Variants in TBC1D5 observed in about 807,000 individuals in gnomAD.
The protein encoded by TBC1D5 is TBC1 domain family, member 5.
TBC1D5 carries 75 observed loss-of-function variants against 100.3 expected under a neutral mutation model. That is an observed-to-expected ratio of 0.75 (90% confidence interval 0.62 to 0.91). The LOEUF (loss-of-function observed/expected upper bound fraction) is 0.91, where lower values mean the gene tolerates loss of function less well. Ranked by LOEUF, TBC1D5 falls within the 40% of genes least tolerant of loss-of-function variation. TBC1D5 has a pLI of 0.00. For synonymous variants in TBC1D5, 323 were observed against 325.6 expected (o/e 0.99, Z 0.09); for missense variants, 910 against 942.4 (o/e 0.97, Z 0.45).
chr3:17,474,430 A>C (rs545950139), intron 3 of TBC1D5, among the ~76,000 whole-genome samples: 1 of 152,284 alleles, frequency 6.6e-6, no homozygotes, highest in East Asian at 1.9e-4. Context: ...TAAAAATTGA[A>C]CATTATGTGA....
chr3:17,572,044 G>C (rs554970640), intron 2 of TBC1D5, among the ~76,000 whole-genome samples: 2 of 152,064 alleles, frequency 1.3e-5, no homozygotes, highest in African/African-American at 4.8e-5. Context: ...TGTCTCGGTT[G>C]GGACTTTTTG....
intron 15 of TBC1D5, among the ~76,000 whole-genome samples, chr3:17,273,045 T>C (rs549043020): frequency 6.6e-6 from 1 of 152,304 alleles, no homozygotes; most frequent in Non-Finnish European, 1.5e-5. Context: ...TTTATGTCAC[T>C]GTTTCATTCT....
At chr3:17,675,239 A>C (rs1448580670) in intron 1 of TBC1D5, among the ~76,000 whole-genome samples, 1 of 152,114 alleles carries the variant, frequency 6.6e-6, no homozygotes, top group African/African-American at 2.4e-5. Flanking sequence ...ATTAAAAATA[A>C]AATTCAGAAC....
At chr3:17,638,749 T>G (rs546220103) in intron 1 of TBC1D5, among the ~76,000 whole-genome samples, 1 of 152,238 alleles carries the variant, frequency 6.6e-6, no homozygotes, top group South Asian at 2.1e-4. Flanking sequence ...ACAATGAACA[T>G]TTCATAGCAG....
intron 8 of TBC1D5, among the ~76,000 whole-genome samples, chr3:17,388,974 C>T (rs1449620307): frequency 2.0e-5 from 3 of 152,118 alleles, no homozygotes. Context: ...GTTCAAATTT[C>T]TGTGACTGTC....
At chr3:17,558,515 T>C (rs949661814) in intron 2 of TBC1D5, among the ~76,000 whole-genome samples, 9 of 152,310 alleles carry the variant, frequency 5.9e-5, no homozygotes, top group African/African-American at 2.2e-4. Context: ...CAAAAACTAA[T>C]AGTCATGAAC....
intron 2 of TBC1D5, among the ~76,000 whole-genome samples, chr3:17,558,630 G>A (rs1401101088): frequency 6.6e-6 from 1 of 152,128 alleles, no homozygotes; most frequent in African/African-American, 2.4e-5. Context: ...GAAAGGTGAG[G>A]AAAAACGGGT....
At chr3:17,676,557 G>A (rs988521183) in intron 1 of TBC1D5, among the ~76,000 whole-genome samples, 4 of 152,096 alleles carry the variant, frequency 2.6e-5, no homozygotes, top group Admixed American at 6.6e-5. Context: ...AATCAATATC[G>A]TGAAAATGGC....
intron 16 of TBC1D5, among the ~76,000 whole-genome samples, chr3:17,251,425 A>AACCCCCC (rs2077162770): frequency 9.0e-6 from 1 of 111,126 alleles, no homozygotes; most frequent in Non-Finnish European, 1.9e-5. Context: ...ACTCACGGGA[A>AACCCCCC]CCCCCCCCCC....
At chr3:17,203,391 T>C (rs985675749) in intron 18 of TBC1D5, among the ~76,000 whole-genome samples, 1 of 152,222 alleles carries the variant, frequency 6.6e-6, no homozygotes, top group African/African-American at 2.4e-5. Flanking sequence ...TTGCCTTGTT[T>C]CAGATGAGAC....
At chr3:17,503,903 T>C (rs1056860349) in intron 3 of TBC1D5, among the ~76,000 whole-genome samples, 6 of 149,672 alleles carry the variant, frequency 4.0e-5, no homozygotes, top group Non-Finnish European at 7.4e-5. Context: ...GAAAACTCTC[T>C]GCCCATTTGG....
At chr3:17,587,792 C>T (rs148961854) in intron 2 of TBC1D5, among the ~76,000 whole-genome samples, 182 of 152,004 alleles carry the variant, frequency 1.2e-3, no homozygotes, top group African/African-American at 4.2e-3. Flanking sequence ...CACATTTTTT[C>T]GTGTATGGCT....
chr3:17,475,742 A>G (rs1474483009), intron 3 of TBC1D5, among the ~76,000 whole-genome samples: 1 of 152,126 alleles, frequency 6.6e-6, no homozygotes, highest in Non-Finnish European at 1.5e-5. Context: ...TTGTTATCAT[A>G]AACAATGTTC....
intron 14 of TBC1D5, among the ~76,000 whole-genome samples, chr3:17,295,660 T>C (rs2082176074): frequency 6.6e-6 from 1 of 152,230 alleles, no homozygotes; most frequent in Non-Finnish European, 1.5e-5. Flanking sequence ...TGTTTGTAAA[T>C]ACATGCAATA....
intron 2 of TBC1D5, among the ~76,000 whole-genome samples, chr3:17,527,875 T>C (rs979584267): frequency 3.3e-5 from 5 of 152,204 alleles, no homozygotes; most frequent in African/African-American, 9.6e-5. Context: ...GACAATCATA[T>C]AATAATACAC....
At chr3:17,711,050 T>C (rs1469630711) in intron 1 of TBC1D5, among the ~76,000 whole-genome samples, 1 of 152,174 alleles carries the variant, frequency 6.6e-6, no homozygotes, top group African/African-American at 2.4e-5. Flanking sequence ...TTTATTATAA[T>C]ATCCCTAGCA....
chr3:17,351,667 T>C (rs893089727), intron 13 of TBC1D5, among the ~76,000 whole-genome samples: 2 of 152,014 alleles, frequency 1.3e-5, no homozygotes, highest in African/African-American at 4.8e-5. Flanking sequence ...CCATGGCACA[T>C]GTATACCTAT....
intron 15 of TBC1D5, among the ~76,000 whole-genome samples, chr3:17,264,552 C>T (rs769369269): frequency 2.6e-5 from 4 of 152,140 alleles, no homozygotes; most frequent in Non-Finnish European, 5.9e-5. Context: ...TGAAGTTATA[C>T]GTTGAAAACA....
intron 15 of TBC1D5, among the ~76,000 whole-genome samples, chr3:17,267,791 A>G (rs993097114): frequency 6.6e-6 from 1 of 152,160 alleles, no homozygotes; most frequent in Non-Finnish European, 1.5e-5. Flanking sequence ...GGTCCTGCAC[A>G]TGAAGCCTGG....
Sources: gnomAD v4.1 joint callset for allele counts (sites outside exome capture counted in the v4.1 genomes callset) on GRCh38, gnomAD v4.1.1 for gene constraint, MANE v1.5 for transcripts, NCBI Gene and HGNC (gene_info 2026-07-23, HGNC 2026-07-21) for gene names.